The following UMAD1 variants were observed in gnomAD, a reference collection of about 807,000 sequenced individuals.
UMAD1 encodes UBAP1-MVB12-associated (UMA) domain containing 1.
In UMAD1, 8 loss-of-function variants were observed where a neutral mutation model predicts 6.1. That is an observed-to-expected ratio of 1.30 (90% CI 0.76 to 2.35). The LOEUF is 2.35. Ranked by LOEUF, UMAD1 falls within the 30% of genes most tolerant of loss-of-function variation. UMAD1 has a pLI of 0.00. For missense variants in UMAD1, 130 were observed against 78.4 expected (o/e 1.66, Z -2.49); for synonymous variants, 56 against 31.4 (o/e 1.78, Z -2.61).
chr7:7,672,874 T>C (rs1434647245), intron 1 of UMAD1, among the ~76,000 whole-genome samples: 4 of 152,218 alleles, frequency 2.6e-5, no homozygotes, highest in Non-Finnish European at 5.9e-5. Context: ...TGATGTGTTT[T>C]CTTTTCTCCA....
chr7:7,827,143 A>ATGTGTGTG (rs1360833680), intron 3 of UMAD1, among the ~76,000 whole-genome samples: 50 of 135,206 alleles, frequency 3.7e-4, no homozygotes, highest in South Asian at 2.9e-3. Context: ...ATATATATAT[A>ATGTGTGTG]TATATGTGTG....
chr7:7,745,884 G>A (rs1781563926), intron 2 of UMAD1, among the ~76,000 whole-genome samples: 1 of 152,070 alleles, frequency 6.6e-6, no homozygotes, highest in South Asian at 2.1e-4. Context: ...TTCCTGGGCT[G>A]TTTCTTTTCT....
intron 3 of UMAD1, among the ~76,000 whole-genome samples, chr7:7,859,632 C>T (rs529952248): frequency 7.9e-5 from 12 of 152,226 alleles, no homozygotes; most frequent in Non-Finnish European, 1.2e-4. Flanking sequence ...TTAAATGATT[C>T]GCTTAAGGTC....
chr7:7,793,142 G>A (rs561045401), intron 2 of UMAD1, among the ~76,000 whole-genome samples: 5 of 152,188 alleles, frequency 3.3e-5, no homozygotes, highest in South Asian at 4.1e-4. Context: ...ACCTTACCCC[G>A]GCTTCCCATC....
chr7:7,755,316 C>G (rs879310358), intron 2 of UMAD1, among the ~76,000 whole-genome samples: 28 of 152,312 alleles, frequency 1.8e-4, no homozygotes, highest in Admixed American at 3.3e-4. Flanking sequence ...CCCAATAGCA[C>G]TCACTGAAGT....
At chr7:7,761,731 C>T (rs1206896319) in intron 2 of UMAD1, among the ~76,000 whole-genome samples, 1 of 152,102 alleles carries the variant, frequency 6.6e-6, no homozygotes, top group African/African-American at 2.4e-5. Flanking sequence ...TTTATTGATC[C>T]CAATTGTTTG....
chr7:7,701,973 T>G, intron 2 of UMAD1, among the ~76,000 whole-genome samples: 1 of 152,256 alleles, frequency 6.6e-6, no homozygotes, highest in Non-Finnish European at 1.5e-5. Flanking sequence ...TTAACGAATT[T>G]TCCAAATAAG....
intron 2 of UMAD1, among the ~76,000 whole-genome samples, chr7:7,702,731 G>A (rs1365638855): frequency 6.6e-6 from 1 of 152,164 alleles, no homozygotes; most frequent in East Asian, 1.9e-4. Flanking sequence ...TTTCTGAAAT[G>A]TGCTCCGGTG....
intron 2 of UMAD1, among the ~76,000 whole-genome samples, chr7:7,774,913 C>T (rs572173584): frequency 2.0e-5 from 3 of 152,308 alleles, no homozygotes; most frequent in African/African-American, 2.4e-5. Context: ...GTCTCTTCCT[C>T]GCAAAGGTAA....
intron 1 of UMAD1, among the ~76,000 whole-genome samples, chr7:7,652,771 G>T (rs1785251796): frequency 6.6e-6 from 1 of 152,226 alleles, no homozygotes; most frequent in African/African-American, 2.4e-5. Context: ...AGTGTTAAAA[G>T]AAGTTTGTTC....
intron 2 of UMAD1, among the ~76,000 whole-genome samples, chr7:7,703,357 A>G (rs923627046): frequency 1.1e-4 from 16 of 152,296 alleles, no homozygotes; most frequent in African/African-American, 3.9e-4. Context: ...ACTGAAGAAG[A>G]GATTTTCCAT....
intron 2 of UMAD1, among the ~76,000 whole-genome samples, chr7:7,778,117 A>G (rs1782257266): frequency 6.6e-6 from 1 of 152,154 alleles, no homozygotes; most frequent in Admixed American, 6.5e-5. Flanking sequence ...GTCTTATGCA[A>G]TATTAGGTTC....
intron 2 of UMAD1, chr7:7,715,299 A>T (rs565161136): frequency 1.3e-5 from 2 of 151,904 alleles, no homozygotes; most frequent in Non-Finnish European, 2.9e-5. Flanking sequence ...CAGTTTCATC[A>T]ATGATCTTGG....
At chr7:7,762,804 T>C (rs1563186631) in intron 2 of UMAD1, among the ~76,000 whole-genome samples, 1 of 152,222 alleles carries the variant, frequency 6.6e-6, no homozygotes, top group Admixed American at 6.5e-5. Context: ...TTTCCTGGGC[T>C]GGATTAGAAT....
At chr7:7,644,171 C>G (rs1293990778) in intron 1 of UMAD1, among the ~76,000 whole-genome samples, 2 of 152,000 alleles carry the variant, frequency 1.3e-5, no homozygotes, top group African/African-American at 2.4e-5. Flanking sequence ...AATTTGCACT[C>G]CCTGATTACT....
intron 3 of UMAD1, among the ~76,000 whole-genome samples, chr7:7,860,604 C>CAAAAAAAAAAAAAAAAAA (rs373823869): frequency 2.1e-5 from 2 of 93,840 alleles, no homozygotes; most frequent in East Asian, 3.1e-4. Context: ...ACTAAAAATA[C>CAAAAAAAAAAAAAAAAAA]AAAAAAAAAA....
chr7:7,654,065 A>G (rs1265665459), intron 1 of UMAD1, among the ~76,000 whole-genome samples: 1 of 152,204 alleles, frequency 6.6e-6, no homozygotes, highest in Non-Finnish European at 1.5e-5. Context: ...AGCAGTAGAG[A>G]AAAAAGCAGT....
intron 3 of UMAD1, among the ~76,000 whole-genome samples, chr7:7,820,925 T>C (rs532509316): frequency 6.6e-6 from 1 of 152,224 alleles, no homozygotes; most frequent in African/African-American, 2.4e-5. Context: ...AGAGAAAAAC[T>C]GAAACTCCTG....
intron 2 of UMAD1, among the ~76,000 whole-genome samples, chr7:7,680,879 G>T (rs2115121107): frequency 6.6e-6 from 1 of 151,616 alleles, no homozygotes; most frequent in Non-Finnish European, 1.5e-5. Context: ...ATTGATTTTT[G>T]TATGTTGATT....
Sources: allele counts gnomAD v4.1 joint callset (sites outside exome capture counted in the v4.1 genomes callset), GRCh38; gene constraint gnomAD v4.1.1; transcripts MANE v1.5; gene names NCBI Gene and HGNC (gene_info 2026-07-23, HGNC 2026-07-21).